The following PRUNE1 variants were observed in gnomAD, a reference collection of about 807,000 sequenced individuals.
The protein encoded by PRUNE1 is exopolyphosphatase PRUNE1.
A neutral mutation model predicts 42.5 loss-of-function variants in PRUNE1; 25 were observed. The ratio of observed to expected loss-of-function variants is 0.59; its 90% CI spans 0.43 to 0.82. PRUNE1 has a LOEUF of 0.82. PRUNE1 is among the 40% of genes least tolerant of loss of function. The pLI, the probability that PRUNE1 is intolerant of heterozygous loss-of-function variation, is 0.00. For synonymous variants in PRUNE1, 203 were observed against 217.1 expected, an observed-to-expected ratio of 0.93 and a Z score of 0.57; for missense variants, 443 against 539.3, an observed-to-expected ratio of 0.82 and a Z score of 1.77.
intron 6 of PRUNE1, 69 bp downstream of exon 6, chr1:151,027,396 T>C (rs1364668632): frequency 1.6e-5 from 18 of 1,119,904 alleles, no homozygotes; most frequent in Non-Finnish European, 2.4e-5. Flanking sequence ...CATGTGGCCT[T>C]GCACCTCATT....
In PRUNE1 at chr1:151,034,969, C is replaced by T. The variant is rs1191571827; in HGVS notation, c.*735C>T. ...AGAATCAAGAAAACACCCAGAAAGGCCTTAATGACCTCATAGGCACTCTTC... is the reference window on the plus strand; with the variant it reads ...AGAATCAAGAAAACACCCAGAAAGGTCTTAATGACCTCATAGGCACTCTTC... On this transcript the variant is annotated 3_prime_UTR_variant, in exon 8 of 8. Transcript: ENST00000271620. 1 of 152,274 alleles carries T rather than the reference C, an allele frequency of 6.6e-6. No individual in the cohort carries two copies. Among genetic ancestry groups the T allele is most frequent in the Non-Finnish European group, 1.5e-5 (1 of 68,112 alleles). 9.4% of individuals were successfully genotyped at this position (152,274 alleles called of 1,614,324 possible).
chr1:151,012,966 C>T (rs2102898306), intron 1 of PRUNE1, among the ~76,000 whole-genome samples: 1 of 152,070 alleles, frequency 6.6e-6, no homozygotes, highest in African/African-American at 2.4e-5. Context: ...TTTCACCATG[C>T]TTGCCAGGCT....
chr1:151,031,228 A>C (rs4970990), intron 7 of PRUNE1, among the ~76,000 whole-genome samples: 127,637 of 144,620 alleles, frequency 0.88, 56,313 homozygotes, highest in East Asian at 0.91. Context: ...CACTCTGTTG[A>C]CCAGGCTGGA....
At chr1:151,027,411 G>A (rs1357232548) in intron 6 of PRUNE1, 84 bp downstream of exon 6, 2 of 930,722 alleles carry the variant, frequency 2.1e-6, no homozygotes, top group East Asian at 2.7e-5. Flanking sequence ...CTCATTCCTG[G>A]CTCACCTCCA....
chr1:151,032,673 C>CA (rs1357387453), intron 7 of PRUNE1, among the ~76,000 whole-genome samples: 1 of 148,106 alleles, frequency 6.8e-6, no homozygotes, highest in Non-Finnish European at 1.5e-5. Flanking sequence ...GAGATTGCAC[C>CA]ACTGCACTCC....
chr1:151,022,531 G>A (rs1674529735), intron 3 of PRUNE1, among the ~76,000 whole-genome samples: 1 of 151,238 alleles, frequency 6.6e-6, no homozygotes, highest in Non-Finnish European at 1.5e-5. Context: ...CCATTCTCCT[G>A]CCTCAGCCTC....
intron 1 of PRUNE1, among the ~76,000 whole-genome samples, chr1:151,014,481 C>G (rs1673979474): frequency 6.6e-6 from 1 of 152,184 alleles, no homozygotes; most frequent in Admixed American, 6.5e-5. Flanking sequence ...CAATTGATAC[C>G]ACCAGAAGTC....
chr1:151,027,747 AGTGTGTGTGTGTGT>A (rs3034003), intron 6 of PRUNE1, among the ~76,000 whole-genome samples: 3 of 130,946 alleles, frequency 2.3e-5, no homozygotes, highest in Admixed American at 8.2e-5. Context: ...ACACCTAACT[AGTGTGTGTGTGTGT>A]GTGTGTGTGT....
intron 1 of PRUNE1, among the ~76,000 whole-genome samples, chr1:151,016,037 G>A (rs1484243405): frequency 6.6e-6 from 1 of 152,094 alleles, no homozygotes; most frequent in Non-Finnish European, 1.5e-5. Flanking sequence ...AGGAGTTCAC[G>A]ACCAGCCTGG....
At position 151,024,779 on chromosome 1, in the gene PRUNE1, T is replaced by C; in HGVS notation, c.504T>C (p.Thr168=). 6.2e-7 allele frequency: 1 copy of C among 1,612,976 alleles called. No homozygotes were observed. Among genetic ancestry groups the C allele is most frequent in the Non-Finnish European group, 8.5e-7 (1 of 1,179,452 alleles). ...CACCAGAGATCTTGGACAGGCAAAC[T>C]GCAGCCCTTCTGCATGGTAAGGGTG... ...QGAPEILDRQ[T]AALLHGTIIL... Residue 168 remains threonine (T), a synonymous_variant, in exon 4 of 8, where the codon ACT becomes ACC. Transcript: ENST00000271620.
In PRUNE1 at chr1:151,033,273, T is replaced by C. The variant is rs587682668; in HGVS notation, c.934-533T>C. On this transcript the variant is annotated intron_variant, in intron 7 of 7. Coordinates refer to ENST00000271620, the MANE Select transcript of PRUNE1 (RefSeq NM_021222.3). Reference sequence around the variant, plus strand: ...GCTAATTTTGTATTTTTAGTAGAGATGGGGTTTCTCCATGATGGTCAGGCT... The same window carrying C: ...GCTAATTTTGTATTTTTAGTAGAGACGGGGTTTCTCCATGATGGTCAGGCT... 3.6e-4 allele frequency among the ~76,000 whole-genome samples: 54 copies of C among 148,394 alleles called. No individual in the cohort carries two copies. The South Asian group carries it at 0.011, about 31-fold the overall frequency.
At chr1:151,025,463 T>C in intron 4 of PRUNE1, 52 bp from the exon 5 acceptor site, 1 of 1,550,118 alleles carries the variant, frequency 6.5e-7, no homozygotes, top group South Asian at 1.2e-5. Flanking sequence ...GTTCTGGTGG[T>C]TGTGTGTGAA....
intron 7 of PRUNE1, 129 bp downstream of exon 7, chr1:151,029,073 T>G: frequency 1.1e-6 from 1 of 944,166 alleles, no homozygotes; most frequent in Non-Finnish European, 1.5e-6. Context: ...TGAGGTCCCT[T>G]GACCTGTTTC....
chr1:151,008,788 AG>A, intron 1 of PRUNE1, 117 bp downstream of exon 1: 3 of 717,174 alleles, frequency 4.2e-6, no homozygotes, highest in Non-Finnish European at 7.0e-6. Flanking sequence ...AGTTGTGGGG[AG>A]GGGGGTTGGG....
chr1:151,027,136 G>A (rs773764713), intron 5 of PRUNE1, 97 bp from the exon 6 acceptor site: 45 of 770,230 alleles, frequency 5.8e-5, no homozygotes, highest in Non-Finnish European at 9.3e-5. Flanking sequence ...AAGAGAGGCT[G>A]TTTTTCCTTC....
At chr1:151,009,695 C>T (rs939469467) in intron 1 of PRUNE1, among the ~76,000 whole-genome samples, 1 of 152,238 alleles carries the variant, frequency 6.6e-6, no homozygotes, top group Non-Finnish European at 1.5e-5. Context: ...ATTCCTGCTG[C>T]AGACTCAGCT....
At chr1:151,023,423 A>G (rs1340789899) in intron 3 of PRUNE1, among the ~76,000 whole-genome samples, 3 of 152,194 alleles carry the variant, frequency 2.0e-5, no homozygotes, top group Admixed American at 1.3e-4. Flanking sequence ...GTGGGTTATA[A>G]AAATAGGAGA....
intron 3 of PRUNE1, among the ~76,000 whole-genome samples, chr1:151,022,542 C>T (rs1674530491): frequency 6.6e-6 from 1 of 151,852 alleles, no homozygotes; most frequent in South Asian, 2.1e-4. Flanking sequence ...CCTCAGCCTC[C>T]CGAGTAGCTG....
intron 7 of PRUNE1, 79 bp downstream of exon 7, chr1:151,029,023 A>G: frequency 7.1e-7 from 1 of 1,417,784 alleles, no homozygotes; most frequent in African/African-American, 1.4e-5. Context: ...CAGCTGTCCT[A>G]TAAGGACCTC....
Sources: gnomAD v4.1 joint callset for allele counts (sites outside exome capture counted in the v4.1 genomes callset) on GRCh38, gnomAD v4.1.1 for gene constraint, MANE v1.5 for transcripts, NCBI Gene and HGNC (gene_info 2026-07-23, HGNC 2026-07-21) for gene names.